The following CCDC194 variants were observed in gnomAD, a reference collection of about 807,000 sequenced individuals.
CCDC194 encodes the protein coiled-coil domain containing 194, also known as coiled-coil domain-containing protein 194.
In CCDC194, 8 loss-of-function variants were observed where a neutral mutation model predicts 4.9. The observed-to-expected ratio is 1.65, with a 90% CI of 0.97 to 2.97. CCDC194 has a LOEUF of 2.97. Among genes scored for constraint, CCDC194 ranks in the 30% most tolerant of loss-of-function variants. The pLI is 0.00. For synonymous variants in CCDC194, 13 were observed against 17.0 expected (o/e 0.76, Z 0.58); for missense variants, 52 against 43.1 (o/e 1.21, Z -0.58).
chr19:17,393,351 T>C (rs1191288585), intron 1 of CCDC194, among the ~76,000 whole-genome samples: 1 of 148,436 alleles, frequency 6.7e-6, no homozygotes, highest in East Asian at 2.0e-4. Flanking sequence ...ACCATTTATC[T>C]GGCAAATAGC....
downstream of CCDC194, among the ~76,000 whole-genome samples, chr19:17,389,340 T>G (rs1000052636): frequency 1.3e-5 from 2 of 152,200 alleles, no homozygotes; most frequent in African/African-American, 4.8e-5. Flanking sequence ...GAAAACCCAC[T>G]AATACATTCA....
At position 17,391,770 on chromosome 19, in the gene CCDC194, G is replaced by GC. The variant is rs1456804408; in HGVS notation, c.400dup (p.Ala134GlyfsTer53). The GC allele has an allele frequency of 6.5e-7, 1 of 1,535,554 alleles. No homozygotes were observed. Among genetic ancestry groups the GC allele is most frequent in the East Asian group, 2.4e-5 (1 of 40,914 alleles). ...CGCACCTGTCAGCGCCCCGTTCTCG[G>GC]CCCCCATCTGGGTCCCCTGTGCCTT... On this transcript the variant is annotated frameshift_variant, in exon 2 of 4. Transcript: ENST00000636079. LOFTEE classifies it high-confidence loss of function.
downstream of CCDC194, among the ~76,000 whole-genome samples, chr19:17,388,193 CTTTTTTTTTTTT>C (rs71162117): frequency 9.8e-5 from 9 of 92,112 alleles, no homozygotes; most frequent in African/African-American, 3.2e-4. Flanking sequence ...TCTTTTTTTC[CTTTTTTTTTTTT>C]TTTTTTTTTT....
chr19:17,391,522 A>G, intron 2 of CCDC194, 179 bp from the exon 3 acceptor site: 1 of 1,013,860 alleles, frequency 9.9e-7, no homozygotes, highest in Non-Finnish European at 1.4e-6. Flanking sequence ...ATAGGTTTGC[A>G]TTGCTTTCGT....
At chr19:17,394,128 C>A in exon 1 of CCDC194, 1 of 392,970 alleles carries the variant, frequency 2.5e-6, no homozygotes, top group East Asian at 3.6e-5. Flanking sequence ...ACCCGCCAGG[C>A]ACGCCCGGGC....
intron 1 of CCDC194, 48 bp downstream of exon 1, chr19:17,393,787 T>C (rs188308084): frequency 5.1e-6 from 2 of 393,752 alleles, no homozygotes; most frequent in Non-Finnish European, 4.5e-6. Context: ...CCGTCTCTTA[T>C]CTCAACATTC....
chr19:17,394,122 G>T, exon 1 of CCDC194: 2 of 392,744 alleles, frequency 5.1e-6, no homozygotes, highest in Non-Finnish European at 9.0e-6. Context: ...GCGAGCACCC[G>T]CCAGGCACGC....
chr19:17,387,780 C>T (rs2074640980), downstream of CCDC194, among the ~76,000 whole-genome samples: 1 of 152,152 alleles, frequency 6.6e-6, no homozygotes, highest in Admixed American at 6.6e-5. Flanking sequence ...CTGCTTTTCA[C>T]ATTAACATAT....
At chr19:17,391,424 C>T in intron 2 of CCDC194, 81 bp from the exon 3 acceptor site, 1 of 510,492 alleles carries the variant, frequency 2.0e-6, no homozygotes, top group Non-Finnish European at 3.4e-6. Context: ...AGTTGATAGT[C>T]TGCATGCCGT....
Position 17,390,531 on chromosome 19 carries a change from G to T in CCDC194, c.683C>A (p.Pro228Gln), listed in dbSNP as rs1354561873. Residue 228 changes from proline (P) to glutamine (Q), a missense_variant, in exon 4 of 4, where the codon CCG becomes CAG. Transcript: ENST00000636079. The surrounding 1 kb of genome is among the most constrained non-coding windows in gnomAD (Gnocchi z 5.5). ...GACTCACCCTCGTGCGCGCCGCGCC[G>T]GCCGCCGGCAGCCCCCGGAGGGTCC... 2.5e-6 allele frequency: 1 copy of T among 394,656 alleles called. No homozygotes were observed. The highest frequency in any genetic ancestry group is 3.6e-5 in the East Asian group (1 of 27,820). The allele number at this position is 394,656 out of a possible 1,614,324, so 24.4% of individuals were successfully genotyped here.
At chr19:17,388,191 TC>T (rs1347318318), downstream of CCDC194, among the ~76,000 whole-genome samples, 1 of 117,786 alleles carries the variant, frequency 8.5e-6, no homozygotes, top group African/African-American at 3.1e-5. Flanking sequence ...GCTCTTTTTT[TC>T]CTTTTTTTTT....
chr19:17,388,270 G>A (rs944891327), downstream of CCDC194, among the ~76,000 whole-genome samples: 20 of 147,274 alleles, frequency 1.4e-4, no homozygotes, highest in African/African-American at 5.2e-4. Context: ...CATGATCATG[G>A]CTCACTGCAG....
At chr19:17,391,656 C>T (rs898972696) in intron 2 of CCDC194, 94 bp downstream of exon 2, 1 of 1,534,154 alleles carries the variant, frequency 6.5e-7, no homozygotes, top group South Asian at 1.2e-5. Flanking sequence ...GTGTTATTTG[C>T]ATTACGTTTG....
downstream of CCDC194, among the ~76,000 whole-genome samples, chr19:17,390,216 ATATCTGTGGGATGACGGCAACATTGT>A (rs2074648852): frequency 1.3e-5 from 2 of 152,272 alleles, no homozygotes; most frequent in Admixed American, 6.5e-5. This position sits in a 1 kb window ranked among gnomAD's most constrained non-coding sequence, Gnocchi z 5.5. Context: ...TCCAGTCCTC[ATATCTGTGGGATGACGGCAACATTGT>A]TGTTAGAGGG....
Position 17,391,399 on chromosome 19 carries a change from G to A in CCDC194, c.422-56C>T. 8.3e-6 allele frequency: 3 copies of A among 362,506 alleles called. No individual in the cohort carries two copies. In the South Asian group the frequency reaches 1.0e-4, roughly 12 times the overall value. 22.5% of individuals were successfully genotyped at this position (362,506 alleles called of 1,614,324 possible). A position where few individuals can be genotyped will look rare whatever the true frequency, so the allele number is the denominator to read the frequency against. Reference sequence around the variant, plus strand: ...AGACTCCCGCGCCCACCCGCCCCACGCACGCCGGAATCCAAGTTGATAGTC... The same window carrying A: ...AGACTCCCGCGCCCACCCGCCCCACACACGCCGGAATCCAAGTTGATAGTC... On this transcript the variant is annotated intron_variant, in intron 2 of 3. Coordinates refer to ENST00000636079, the Ensembl canonical transcript of CCDC194.
chr19:17,394,179 C>T (rs185783049), upstream of CCDC194: 384 of 390,490 alleles, frequency 9.8e-4, no homozygotes, highest in Admixed American at 2.0e-3. Context: ...ACAGCTCTGG[C>T]CCCAGACGGC....
At chr19:17,393,806 C>A in intron 1 of CCDC194, 29 bp downstream of exon 1, 2 of 395,228 alleles carry the variant, frequency 5.1e-6, no homozygotes, top group South Asian at 2.6e-4. Flanking sequence ...TCTGGATTCC[C>A]GAGCTCCCCC....
chr19:17,389,598 A>G (rs1435458881), downstream of CCDC194, among the ~76,000 whole-genome samples: 1 of 152,176 alleles, frequency 6.6e-6, no homozygotes, highest in Admixed American at 6.5e-5. Flanking sequence ...ATCTATTAGT[A>G]TAGCAATTAA....
chr19:17,392,974 G>A (rs1247196942), intron 1 of CCDC194, among the ~76,000 whole-genome samples: 1 of 152,120 alleles, frequency 6.6e-6, no homozygotes, highest in African/African-American at 2.4e-5. Flanking sequence ...GAGCCACTGC[G>A]CCCGGCCCCA....
Sources: allele counts gnomAD v4.1 joint callset (sites outside exome capture counted in the v4.1 genomes callset), GRCh38; gene constraint gnomAD v4.1.1; non-coding constraint Gnocchi (gnomAD v3.1); transcripts MANE v1.5; gene names NCBI Gene and HGNC (gene_info 2026-07-23, HGNC 2026-07-21).